Variants in NMNAT2 observed in about 807,000 individuals in gnomAD.
NMNAT2 encodes the protein nicotinamide/nicotinic acid mononucleotide adenylyltransferase 2.
Under a neutral mutation model 41.6 loss-of-function variants are expected in NMNAT2, and 11 were observed. That is an observed-to-expected ratio of 0.26 (90% CI 0.17 to 0.44). NMNAT2 has a LOEUF of 0.44. Among genes scored for constraint, NMNAT2 ranks in the 20% least tolerant of loss-of-function variants. The pLI is 1.00. For synonymous variants in NMNAT2, 148 were observed against 151.2 expected, an observed-to-expected ratio of 0.98 and a Z score of 0.16; for missense variants, 288 against 407.7, an observed-to-expected ratio of 0.71 and a Z score of 2.53.
intron 8 of NMNAT2, among the ~76,000 whole-genome samples, chr1:183,268,359 T>C (rs973780681): frequency 3.3e-5 from 5 of 152,150 alleles, no homozygotes; most frequent in African/African-American, 1.2e-4. Flanking sequence ...GCATGCAGGG[T>C]TGAGCAAGGC....
chr1:183,398,150 C>T (rs1648708647), intron 1 of NMNAT2, among the ~76,000 whole-genome samples: 1 of 152,030 alleles, frequency 6.6e-6, no homozygotes, highest in Non-Finnish European at 1.5e-5. Context: ...ATCAGTGTGC[C>T]ATATTCAGGA....
At chr1:183,305,447 A>C (rs1490590671) in intron 1 of NMNAT2, among the ~76,000 whole-genome samples, 1 of 152,104 alleles carries the variant, frequency 6.6e-6, no homozygotes, top group Non-Finnish European at 1.5e-5. Flanking sequence ...TTTTAACTAC[A>C]CGTCTATTTT....
At chr1:183,307,648 G>T (rs1306671488) in intron 1 of NMNAT2, among the ~76,000 whole-genome samples, 1 of 152,106 alleles carries the variant, frequency 6.6e-6, no homozygotes, top group Non-Finnish European at 1.5e-5. Context: ...TCACCACATT[G>T]GCTAGGCTGG....
intron 1 of NMNAT2, among the ~76,000 whole-genome samples, chr1:183,364,519 C>T (rs1353109253): frequency 6.6e-6 from 1 of 152,042 alleles, no homozygotes; most frequent in Non-Finnish European, 1.5e-5. Flanking sequence ...GCATGAAATA[C>T]AATAGATTTG....
intron 1 of NMNAT2, chr1:183,304,645 T>C (rs1159088792): frequency 6.2e-7 from 1 of 1,608,790 alleles, no homozygotes; most frequent in African/African-American, 1.3e-5. Flanking sequence ...CCTCATGCCA[T>C]GTGCCTCAGG....
At chr1:183,360,537 A>G (rs1663286081) in intron 1 of NMNAT2, among the ~76,000 whole-genome samples, 2 of 152,302 alleles carry the variant, frequency 1.3e-5, no homozygotes, top group African/African-American at 4.8e-5. Flanking sequence ...GGAGGCCCCT[A>G]TAAACATCCT....
At chr1:183,284,568 A>T in intron 6 of NMNAT2, 142 bp downstream of exon 6, 1 of 730,718 alleles carries the variant, frequency 1.4e-6, no homozygotes, top group Non-Finnish European at 2.5e-6. Flanking sequence ...GTGGGGGGAT[A>T]CGTTGTGCAC....
At chr1:183,289,823 C>T (rs116143590) in intron 4 of NMNAT2, among the ~76,000 whole-genome samples, 94 of 152,326 alleles carry the variant, frequency 6.2e-4, no homozygotes, top group Middle Eastern at 3.4e-3. Context: ...TTAATCCCAC[C>T]TTGAACTTGC....
intron 8 of NMNAT2, among the ~76,000 whole-genome samples, chr1:183,267,522 G>GA: frequency 6.6e-6 from 1 of 152,112 alleles, no homozygotes; most frequent in East Asian, 1.9e-4. Flanking sequence ...TGTTTAGGGT[G>GA]GGGTCAAAAT....
At chr1:183,312,890 T>G (rs1662156147) in intron 1 of NMNAT2, among the ~76,000 whole-genome samples, 1 of 152,236 alleles carries the variant, frequency 6.6e-6, no homozygotes, top group Non-Finnish European at 1.5e-5. Context: ...TATGCCACCA[T>G]GTTCAATAAC....
intron 1 of NMNAT2, among the ~76,000 whole-genome samples, chr1:183,330,345 A>G (rs1384179223): frequency 6.6e-6 from 1 of 152,246 alleles, no homozygotes; most frequent in Non-Finnish European, 1.5e-5. Flanking sequence ...TGAGACATCT[A>G]GAATTAGAGC....
intron 1 of NMNAT2, among the ~76,000 whole-genome samples, chr1:183,369,337 C>T (rs191993434): frequency 1.7e-4 from 26 of 149,026 alleles, no homozygotes; most frequent in Non-Finnish European, 3.3e-4. Context: ...AGTGCAGTGG[C>T]GTGATCTCGG....
chr1:183,411,719 G>T (rs1422992499), intron 1 of NMNAT2, among the ~76,000 whole-genome samples: 1 of 152,164 alleles, frequency 6.6e-6, no homozygotes, highest in African/African-American at 2.4e-5. Context: ...TAGCTGGGGA[G>T]ACAGGCATTG....
At chr1:183,307,430 C>T (rs1662018487) in intron 1 of NMNAT2, among the ~76,000 whole-genome samples, 1 of 145,682 alleles carries the variant, frequency 6.9e-6, no homozygotes, top group African/African-American at 2.5e-5. Flanking sequence ...CCTCAGCCTC[C>T]CTAGTAGCTG....
intron 1 of NMNAT2, among the ~76,000 whole-genome samples, chr1:183,323,508 C>G (rs1662398964): frequency 1.3e-5 from 2 of 152,208 alleles, no homozygotes. Flanking sequence ...AAAGTGAGCA[C>G]ATGTAAACAC....
chr1:183,289,310 A>G (rs1661473255), intron 4 of NMNAT2, among the ~76,000 whole-genome samples: 1 of 152,158 alleles, frequency 6.6e-6, no homozygotes, highest in African/African-American at 2.4e-5. Flanking sequence ...CATCGGTGGC[A>G]TTGCTTTTCA....
At chr1:183,283,902 G>C (rs766249407) in intron 7 of NMNAT2, 93 bp downstream of exon 7, 1 of 1,237,262 alleles carries the variant, frequency 8.1e-7, no homozygotes, top group Non-Finnish European at 1.2e-6. Context: ...ACAGTCCCTG[G>C]GTTTTCAAGC....
chr1:183,331,675 G>A (rs1662589105), intron 1 of NMNAT2, among the ~76,000 whole-genome samples: 2 of 152,356 alleles, frequency 1.3e-5, no homozygotes, highest in Admixed American at 1.3e-4. Flanking sequence ...GCGCCTGCAC[G>A]CTGCTGCTGC....
In NMNAT2 at chr1:183,341,629, T is replaced by C. The variant is rs1426299271; in HGVS notation, c.86-47836A>G. On this transcript the variant is annotated intron_variant, in intron 1 of 10. Transcript: ENST00000287713. ...AGGATTGCTTGAGCCTGGGAGGAGA[T>C]TGCAGTGAGCCATGATCATGCTACT... Among the ~76,000 whole-genome samples, 9 of 141,188 alleles carry C rather than the reference T, an allele frequency of 6.4e-5. 1 individual carries two copies. The highest frequency in any genetic ancestry group is 2.3e-4 in the South Asian group (1 of 4,316). The allele number at this position is 141,188 out of a possible 152,430, so 92.6% of individuals were successfully genotyped here. A position where few individuals can be genotyped will look rare whatever the true frequency, so the allele number is the denominator to read the frequency against.
Sources: allele counts gnomAD v4.1 joint callset (sites outside exome capture counted in the v4.1 genomes callset), GRCh38; gene constraint gnomAD v4.1.1; transcripts MANE v1.5; gene names NCBI Gene and HGNC (gene_info 2026-07-23, HGNC 2026-07-21).